Variants in DMD observed in about 807,000 individuals in gnomAD.
DMD encodes dystrophin.
DMD carries 63 observed loss-of-function variants against 330.1 expected under a neutral mutation model. The observed-to-expected ratio is 0.19, with a 90% confidence interval of 0.16 to 0.24. The LOEUF is 0.24. Ranked by LOEUF, DMD falls within the 10% of genes least tolerant of loss-of-function variation. The pLI is 1.00. For synonymous variants in DMD, 1,223 were observed against 959.8 expected, an observed-to-expected ratio of 1.27 and a Z score of -5.07; for missense variants, 3,344 against 2,684.1, an observed-to-expected ratio of 1.25 and a Z score of -5.43.
chrX:32,884,259 A>G (rs1487050114), intron 2 of DMD, among the ~76,000 whole-genome samples: 1 of 111,786 alleles, frequency 8.9e-6, no homozygotes, highest in African/African-American at 3.2e-5. Context: ...CAGCAGGCCC[A>G]GTGATAATTC....
chrX:32,149,409 C>A lies in DMD; in HGVS notation c.6438+67507G>T, dbSNP rs147540907. 5.1e-4 allele frequency among the ~76,000 whole-genome samples: 57 copies of A among 112,020 alleles called. 1 individual carries two copies. The highest frequency in any genetic ancestry group is 1.7e-3 in the African/African-American group (53 of 30,864). ...GTGATTCTCAACACTTGGCATATATCATTTCATTCGTTTTTAAGTCTACTC... is the reference window on the plus strand; with the variant it reads ...GTGATTCTCAACACTTGGCATATATAATTTCATTCGTTTTTAAGTCTACTC... On this transcript the variant is annotated intron_variant, in intron 44 of 78. Coordinates refer to ENST00000357033, the MANE Select transcript of DMD (RefSeq NM_004006.3).
intron 55 of DMD, among the ~76,000 whole-genome samples, chrX:31,611,180 G>A (rs1603424957): frequency 9.1e-6 from 1 of 109,698 alleles, no homozygotes; most frequent in Non-Finnish European, 1.9e-5. Flanking sequence ...ACTACCTAGG[G>A]GCTCTTTACA....
At chrX:32,816,792 C>G in intron 5 of DMD, 152 bp from the exon 6 acceptor site, 2 of 536,854 alleles carry the variant, frequency 3.7e-6, no homozygotes, top group Non-Finnish European at 6.2e-6. Context: ...GAAGTTAAGT[C>G]TATTCTCAAA....
chrX:32,400,251 G>A (rs748330627), intron 30 of DMD, among the ~76,000 whole-genome samples: 1 of 111,778 alleles, frequency 8.9e-6, no homozygotes, highest in Non-Finnish European at 1.9e-5. Flanking sequence ...TTTAGATGCT[G>A]GATTACATTT....
intron 21 of DMD, among the ~76,000 whole-genome samples, chrX:32,478,085 T>C (rs1054933965): frequency 4.5e-5 from 5 of 111,992 alleles, no homozygotes; most frequent in African/African-American, 1.6e-4. Flanking sequence ...TATTTTTCTG[T>C]TGGATAGTGC....
At chrX:31,193,946 C>T (rs1017411463) in intron 67 of DMD, among the ~76,000 whole-genome samples, 2 of 110,987 alleles carry the variant, frequency 1.8e-5, no homozygotes, top group Non-Finnish European at 3.8e-5. Context: ...TTTGGGAGGC[C>T]GAGGCAGGTG....
intron 55 of DMD, among the ~76,000 whole-genome samples, chrX:31,515,402 T>C (rs1270409603): frequency 9.0e-6 from 1 of 111,625 alleles, no homozygotes; most frequent in African/African-American, 3.2e-5. Context: ...AGAATAACAA[T>C]AAGTGACCAA....
At chrX:31,403,538 A>G (rs113833482) in intron 60 of DMD, among the ~76,000 whole-genome samples, 21 of 112,341 alleles carry the variant, frequency 1.9e-4, no homozygotes, top group African/African-American at 5.5e-4. Flanking sequence ...CCTTTCAGTT[A>G]TCCTTTGTTC....
intron 2 of DMD, 138 bp from the exon 3 acceptor site, chrX:32,849,958 G>T: frequency 1.9e-6 from 1 of 514,891 alleles, no homozygotes; most frequent in Non-Finnish European, 3.2e-6. Flanking sequence ...GATGACGGAT[G>T]AAAAAAGGAA....
intron 47 of DMD, among the ~76,000 whole-genome samples, chrX:31,905,606 T>TA (rs1248062459): frequency 6.6e-5 from 7 of 105,268 alleles, no homozygotes; most frequent in East Asian, 3.0e-4. Context: ...GAACAGAAAT[T>TA]AAAAAAAAAG....
intron 1 of DMD, among the ~76,000 whole-genome samples, chrX:33,308,322 G>A (rs2053794833): frequency 8.9e-6 from 1 of 112,018 alleles, no homozygotes; most frequent in African/African-American, 3.2e-5. Flanking sequence ...AAGAAAGATT[G>A]CATTCCAAGA....
At chrX:31,405,738 C>T (rs925746213) in intron 60 of DMD, among the ~76,000 whole-genome samples, 3 of 111,140 alleles carry the variant, frequency 2.7e-5, no homozygotes, top group African/African-American at 9.8e-5. Flanking sequence ...ATGTAAGTGC[C>T]CTTTGGAAAT....
chrX:32,395,034 A>T (rs1257541675), intron 30 of DMD, among the ~76,000 whole-genome samples: 1 of 110,472 alleles, frequency 9.1e-6, no homozygotes, highest in African/African-American at 3.3e-5. Flanking sequence ...TCATATTAAC[A>T]TAAGTATTTA....
At chrX:31,671,853 T>C (rs1205269849) in intron 53 of DMD, among the ~76,000 whole-genome samples, 2 of 111,686 alleles carry the variant, frequency 1.8e-5, no homozygotes, top group African/African-American at 6.5e-5. Flanking sequence ...ACTAAATTTC[T>C]AGATTTTGGT....
intron 21 of DMD, among the ~76,000 whole-genome samples, chrX:32,480,136 A>G (rs2041697265): frequency 8.9e-6 from 1 of 111,796 alleles, no homozygotes; most frequent in African/African-American, 3.2e-5. Context: ...AGAGGCACCA[A>G]TGGCCAACAG....
chrX:32,129,062 T>C, intron 44 of DMD, among the ~76,000 whole-genome samples: 1 of 111,743 alleles, frequency 8.9e-6, no homozygotes, highest in East Asian at 2.8e-4. Context: ...CAGTTTGCTC[T>C]AGATACCTAG....
intron 1 of DMD, among the ~76,000 whole-genome samples, chrX:33,042,332 T>C (rs1468209727): frequency 9.0e-6 from 1 of 111,434 alleles, no homozygotes; most frequent in Non-Finnish European, 1.9e-5. Context: ...GTTCAAACTT[T>C]CTATTAATAT....
rs374383343 is a variant in DMD, at chrX:33,009,310, G to A, written c.93+10829C>T. ...TGTGTGTATATGTGTATATACACAT[G>A]TGTGTATATGTGTATATGTGTATAT... On this transcript the variant is annotated intron_variant, in intron 2 of 78. Coordinates refer to ENST00000357033, the MANE Select transcript of DMD (RefSeq NM_004006.3). Among the ~76,000 whole-genome samples, 43 of 28,916 alleles carry A rather than the reference G, an allele frequency of 1.5e-3. 5 individuals are homozygous for A. Among genetic ancestry groups the A allele is most frequent in the African/African-American group, 4.9e-3 (34 of 6,893 alleles). The allele number at this position is 28,916 out of a possible 115,157, so 25.1% of individuals were successfully genotyped here.
intron 1 of DMD, among the ~76,000 whole-genome samples, chrX:33,096,814 A>G (rs756936435): frequency 8.9e-6 from 1 of 112,845 alleles, no homozygotes; most frequent in South Asian, 3.6e-4. Context: ...CCAAAGGGAC[A>G]ATATTTCTTT....
Sources: allele counts gnomAD v4.1 joint callset (sites outside exome capture counted in the v4.1 genomes callset), GRCh38; gene constraint gnomAD v4.1.1; transcripts MANE v1.5; gene names NCBI Gene and HGNC (gene_info 2026-07-23, HGNC 2026-07-21).